GNAO1: variants seen among roughly 807,000 people sequenced by gnomAD.
GNAO1 encodes the protein G protein subunit alpha o1.
For missense variants in GNAO1, 166 were observed against 478.7 expected, an observed-to-expected ratio of 0.35 and a Z score of 6.10; for synonymous variants, 164 against 180.7, an observed-to-expected ratio of 0.91 and a Z score of 0.74.
At position 56,355,155 on chromosome 16, in the gene GNAO1, C is replaced by CACACACACACACACACA; in HGVS notation, c.*28+74_*28+75insACACACACACACACACA. On this transcript the variant is annotated intron_variant, in intron 8 of 8. Transcript: ENST00000262493. ...ACACACACACACACACACACACACA[C>CACACACACACACACACA]CACTAACAAATGCAAGTTGGTAAAT... is the stretch of plus-strand genomic sequence containing the variant. 5.9e-6 allele frequency: 3 copies of CACACACACACACACACA among 512,356 alleles called. No individual in the cohort carries two copies. The South Asian group carries it at 1.2e-4, about 20-fold the overall frequency. 31.7% of individuals were successfully genotyped at this position (512,356 alleles called of 1,614,324 possible). A position where few individuals can be genotyped will look rare whatever the true frequency, so the allele number is the denominator to read the frequency against.
At chr16:56,313,761 C>T (rs1179002469) in intron 3 of GNAO1, among the ~76,000 whole-genome samples, 1 of 152,156 alleles carries the variant, frequency 6.6e-6, no homozygotes, top group Non-Finnish European at 1.5e-5. Context: ...GTATCTGTCT[C>T]GCCCAGGCTG....
intron 3 of GNAO1, among the ~76,000 whole-genome samples, chr16:56,294,513 A>T (rs1443820890): frequency 6.6e-6 from 1 of 152,092 alleles, no homozygotes; most frequent in Non-Finnish European, 1.5e-5. Flanking sequence ...TTTGTCCGTC[A>T]TCTGGTGATG....
At chr16:56,273,889 A>G (rs528808492) in intron 2 of GNAO1, among the ~76,000 whole-genome samples, 2 of 152,288 alleles carry the variant, frequency 1.3e-5, no homozygotes, top group South Asian at 2.1e-4. Flanking sequence ...GGAAGCGTTC[A>G]ACTGATAAGC....
rs73543994 is a variant in GNAO1, at chr16:56,344,792, G to A, written c.724-6592G>A. On this transcript the variant is annotated intron_variant, in intron 6 of 8. Transcript: ENST00000262493. ...CAGGAGCTCGGATGGTCACTCTGAG[G>A]TGTGAATAGATATGTTTTTCCTTCA... is the stretch of plus-strand genomic sequence containing the variant. The A allele has an allele frequency of 1.3e-3, 1,311 of 985,436 alleles. 12 individuals are homozygous for A. The African/African-American group carries it at 0.022, about 16-fold the overall frequency. 61.0% of individuals were successfully genotyped at this position (985,436 alleles called of 1,614,324 possible).
chr16:56,203,003 C>T (rs538195035), intron 2 of GNAO1, among the ~76,000 whole-genome samples: 215 of 152,264 alleles, frequency 1.4e-3, no homozygotes, highest in Non-Finnish European at 2.6e-3. Flanking sequence ...GGGGAGGCCT[C>T]GTACTGATCA....
intron 2 of GNAO1, among the ~76,000 whole-genome samples, chr16:56,219,214 T>A (rs1300932570): frequency 6.6e-6 from 1 of 152,032 alleles, no homozygotes; most frequent in Non-Finnish European, 1.5e-5. Context: ...TCCCACTGGG[T>A]CTTGTTTGAA....
At chr16:56,205,676 GGCCATTGGAAGACCA>G (rs138068344) in intron 2 of GNAO1, among the ~76,000 whole-genome samples, 13,888 of 152,182 alleles carry the variant, frequency 0.091, 697 homozygotes, top group African/African-American at 0.11. Flanking sequence ...ATTCTGTGAA[GGCCATTGGAAGACCA>G]GCCATAGTTT....
At chr16:56,295,297 G>A (rs1362333338) in intron 3 of GNAO1, among the ~76,000 whole-genome samples, 4 of 152,142 alleles carry the variant, frequency 2.6e-5, no homozygotes, top group African/African-American at 7.2e-5. Flanking sequence ...TCCCAGCTCC[G>A]TGGCTCGCAG....
At chr16:56,228,103 G>A (rs1269928921) in intron 2 of GNAO1, among the ~76,000 whole-genome samples, 2 of 152,230 alleles carry the variant, frequency 1.3e-5, no homozygotes, top group East Asian at 3.8e-4. Flanking sequence ...TGACCAGATA[G>A]CCCTGAGCAT....
chr16:56,273,113 TA>T (rs2037032960), intron 2 of GNAO1, among the ~76,000 whole-genome samples: 1 of 152,252 alleles, frequency 6.6e-6, no homozygotes, highest in Non-Finnish European at 1.5e-5. Flanking sequence ...TTTTTTCACA[TA>T]CAAGAATCTT....
intron 2 of GNAO1, chr16:56,193,786 C>T: frequency 3.4e-6 from 1 of 294,448 alleles, no homozygotes; most frequent in Non-Finnish European, 6.7e-6. Context: ...TTCGGTTGGC[C>T]TGTCAGTTCG....
At chr16:56,297,161 TC>T (rs2037295013) in intron 3 of GNAO1, among the ~76,000 whole-genome samples, 1 of 151,990 alleles carries the variant, frequency 6.6e-6, no homozygotes, top group African/African-American at 2.4e-5. Flanking sequence ...TCAGATAAAC[TC>T]CACCTGCCTC....
chr16:56,345,201 C>T, intron 6 of GNAO1: 1 of 985,722 alleles, frequency 1.0e-6, no homozygotes, highest in Non-Finnish European at 1.2e-6. Context: ...ACACACCTCT[C>T]CCACTCCAAG....
intron 2 of GNAO1, among the ~76,000 whole-genome samples, chr16:56,228,213 A>G (rs9302679): frequency 0.61 from 92,864 of 152,036 alleles, 28,691 homozygotes; most frequent in East Asian, 0.71. Flanking sequence ...TGCAACCAGA[A>G]GAAGGCTTCC....
intron 2 of GNAO1, among the ~76,000 whole-genome samples, chr16:56,240,834 A>G (rs1324891078): frequency 2.0e-5 from 3 of 152,130 alleles, no homozygotes; most frequent in East Asian, 1.9e-4. Context: ...GGATGCTTAT[A>G]AAACTAGAAC....
At chr16:56,229,434 C>T (rs757954872) in intron 2 of GNAO1, among the ~76,000 whole-genome samples, 3 of 152,152 alleles carry the variant, frequency 2.0e-5, no homozygotes, top group Admixed American at 1.3e-4. Context: ...TCTCAAACTC[C>T]TGACTTCAAG....
chr16:56,282,296 A>T (rs1336682296), intron 3 of GNAO1, among the ~76,000 whole-genome samples: 1 of 152,248 alleles, frequency 6.6e-6, no homozygotes, highest in Non-Finnish European at 1.5e-5. Context: ...AGTAAATGAG[A>T]TAATGCCTGT....
At chr16:56,229,560 A>G (rs1021136996) in intron 2 of GNAO1, among the ~76,000 whole-genome samples, 1 of 152,060 alleles carries the variant, frequency 6.6e-6, no homozygotes, top group Non-Finnish European at 1.5e-5. Context: ...CAGGAGCTAT[A>G]AATAATTGGA....
intron 3 of GNAO1, among the ~76,000 whole-genome samples, chr16:56,291,939 C>T (rs560051754): frequency 6.6e-6 from 1 of 152,216 alleles, no homozygotes; most frequent in Non-Finnish European, 1.5e-5. Context: ...AAGGCCCCAC[C>T]TCTTAATATC....
Sources: gnomAD v4.1 joint callset for allele counts (sites outside exome capture counted in the v4.1 genomes callset) on GRCh38, gnomAD v4.1.1 for gene constraint, MANE v1.5 for transcripts, NCBI Gene and HGNC (gene_info 2026-07-23, HGNC 2026-07-21) for gene names.